Variants in IQGAP2 observed in about 807,000 individuals in gnomAD.
IQGAP2 encodes ras GTPase-activating-like protein IQGAP2.
In IQGAP2, 173 loss-of-function variants were observed where a neutral mutation model predicts 201.3. That is an observed-to-expected ratio of 0.86 (90% CI 0.76 to 0.98). IQGAP2 has a LOEUF of 0.98. IQGAP2 is among the 50% of genes least tolerant of loss of function. The pLI is 0.00. For missense variants in IQGAP2, 1,687 were observed against 1,864.8 expected (o/e 0.90, Z 1.76); for synonymous variants, 675 against 673.9 (o/e 1.00, Z -0.03).
intron 2 of IQGAP2, among the ~76,000 whole-genome samples, chr5:76,517,034 G>A (rs763413533): frequency 2.0e-5 from 3 of 152,002 alleles, no homozygotes; most frequent in Non-Finnish European, 2.9e-5. Context: ...ATTAACAGTC[G>A]GTAAGAGAGC....
intron 1 of IQGAP2, among the ~76,000 whole-genome samples, chr5:76,432,128 C>CTTTTTTTTTTTTTTTTTTTTTTTTTTTTT (rs70982606): frequency 1.0e-5 from 1 of 95,322 alleles, no homozygotes; most frequent in Non-Finnish European, 2.0e-5. Context: ...TTTCTTTCTT[C>CTTTTTTTTTTTTTTTTTTTTTTTTTTTTT]TTTTTTTTTT....
chr5:76,670,005 TAG>T (rs1744158698), intron 23 of IQGAP2, among the ~76,000 whole-genome samples: 1 of 152,090 alleles, frequency 6.6e-6, no homozygotes, highest in Non-Finnish European at 1.5e-5. Flanking sequence ...GTATTTTTAG[TAG>T]AGAAGAGGTT....
At chr5:76,681,937 C>A (rs193137741) in intron 28 of IQGAP2, among the ~76,000 whole-genome samples, 34 of 152,244 alleles carry the variant, frequency 2.2e-4, no homozygotes, top group Non-Finnish European at 4.0e-4. Flanking sequence ...CATGGAGGAA[C>A]CTTGAAGACA....
rs564661114 is a variant in IQGAP2 at position 76,685,090 on chromosome 5, A to T, written c.3905+1173A>T. On this transcript the variant is annotated intron_variant, in intron 30 of 35. Transcript: ENST00000274364. ...ACAGGGGTGGAGAGCACAGTTCGACAGTAGGACCGCAACCAAGTTGCAGGA... is the reference window on the plus strand; with the variant it reads ...ACAGGGGTGGAGAGCACAGTTCGACTGTAGGACCGCAACCAAGTTGCAGGA... 2.0e-5 allele frequency among the ~76,000 whole-genome samples: 3 copies of T among 152,330 alleles called. No individual in the cohort carries two copies. The East Asian group carries it at 5.8e-4, about 29-fold the overall frequency.
chr5:76,450,259 T>G (rs527628708), intron 1 of IQGAP2, among the ~76,000 whole-genome samples: 1 of 152,328 alleles, frequency 6.6e-6, no homozygotes, highest in South Asian at 2.1e-4. Context: ...GATGTGAACC[T>G]CACCCACTCT....
In IQGAP2 at chr5:76,654,715, G is replaced by A. The variant is rs113700636; in HGVS notation, c.2251-219G>A. On this transcript the variant is annotated intron_variant, in intron 19 of 35. Transcript: ENST00000274364. ...TTCCCTTTTTAGATCTCTTTGTCTA[G>A]GCAGTTCCCCTACAGTCTTGTTTGT... 9.5e-3 allele frequency among the ~76,000 whole-genome samples: 1,453 copies of A among 152,268 alleles called. 22 individuals carry two copies. Among genetic ancestry groups the A allele is most frequent in the African/African-American group, 0.033 (1,355 of 41,544 alleles).
At chr5:76,590,703 G>A (rs561200355) in intron 8 of IQGAP2, 117 bp downstream of exon 8, 86 of 739,184 alleles carry the variant, frequency 1.2e-4, no homozygotes, top group East Asian at 4.9e-4. Context: ...CTCTATAGCC[G>A]TAGACAATTG....
chr5:76,480,905 T>A (rs893129900), intron 2 of IQGAP2, among the ~76,000 whole-genome samples: 1 of 152,168 alleles, frequency 6.6e-6, no homozygotes, highest in African/African-American at 2.4e-5. Flanking sequence ...ATGTCCAAGA[T>A]CAAAGTACTG....
At chr5:76,558,799 A>G (rs1432181688) in intron 2 of IQGAP2, among the ~76,000 whole-genome samples, 1 of 152,252 alleles carries the variant, frequency 6.6e-6, no homozygotes, top group Non-Finnish European at 1.5e-5. Flanking sequence ...AGGTGAGGGT[A>G]CTTGCTTGCA....
At chr5:76,541,836 A>G (rs1742795630) in intron 2 of IQGAP2, among the ~76,000 whole-genome samples, 2 of 152,248 alleles carry the variant, frequency 1.3e-5, no homozygotes, top group South Asian at 4.1e-4. Flanking sequence ...AATGCTGGAA[A>G]GAGCAGCTTT....
chr5:76,540,303 A>G (rs1742676913), intron 2 of IQGAP2, among the ~76,000 whole-genome samples: 1 of 152,224 alleles, frequency 6.6e-6, no homozygotes, highest in South Asian at 2.1e-4. Context: ...ACAAGAAAGA[A>G]AAAGGAAACC....
Position 76,562,486 on chromosome 5 carries a change from C to G in IQGAP2, c.237C>G (p.Ala79=). Reference sequence around the variant, plus strand: ...ATGGAGTTTACCTTGCAAAGTTAGCCAAGTTCTTTGCCCCGAAAATGGTAT... The same window carrying G: ...ATGGAGTTTACCTTGCAAAGTTAGCGAAGTTCTTTGCCCCGAAAATGGTAT... ...LRNGVYLAKL[A]KFFAPKMVSE... The change falls in exon 3 of 36, where the codon GCC becomes GCG. Residue 79 remains alanine (A), a synonymous_variant. Coordinates refer to ENST00000274364, the MANE Select transcript of IQGAP2 (RefSeq NM_006633.5). 1 of 1,613,704 alleles carries G rather than the reference C, an allele frequency of 6.2e-7. No homozygotes were observed. The highest frequency in any genetic ancestry group is 1.1e-5 in the South Asian group (1 of 91,060).
chr5:76,568,390 T>C (rs1274328142), intron 3 of IQGAP2, among the ~76,000 whole-genome samples: 6 of 152,196 alleles, frequency 3.9e-5, no homozygotes, highest in Non-Finnish European at 7.3e-5. Context: ...TTAGGTGCAC[T>C]TTGCAACTAA....
intron 1 of IQGAP2, among the ~76,000 whole-genome samples, chr5:76,447,605 C>T (rs972173706): frequency 9.9e-5 from 15 of 152,168 alleles, no homozygotes; most frequent in African/African-American, 3.4e-4. Flanking sequence ...GCTGGGTTCC[C>T]TAAGCTGCCT....
chr5:76,618,201 G>A (rs1749199200), intron 13 of IQGAP2: 2 of 1,614,152 alleles, frequency 1.2e-6, no homozygotes, highest in Non-Finnish European at 1.7e-6. Flanking sequence ...GATGACTGTG[G>A]TGGCCCGGCA....
At chr5:76,663,863 G>A (rs1234333673) in intron 21 of IQGAP2, among the ~76,000 whole-genome samples, 2 of 152,198 alleles carry the variant, frequency 1.3e-5, no homozygotes, top group South Asian at 2.1e-4. Context: ...AAGTTTCCTG[G>A]CTTCTCTTAA....
chr5:76,438,573 G>C (rs1261202071), intron 1 of IQGAP2, among the ~76,000 whole-genome samples: 1 of 152,064 alleles, frequency 6.6e-6, no homozygotes, highest in Non-Finnish European at 1.5e-5. Flanking sequence ...CTCCCGAGCA[G>C]CTGGGATTAT....
Position 76,403,635 on chromosome 5 carries a change from C to A in IQGAP2, c.46+44C>A. 1.4e-6 allele frequency: 2 copies of A among 1,438,690 alleles called. No individual in the cohort carries two copies. The highest frequency in any genetic ancestry group is 1.8e-6 in the Non-Finnish European group (2 of 1,088,348). The allele number at this position is 1,438,690 out of a possible 1,614,324, so 89.1% of individuals were successfully genotyped here. ...CGGGGTTCCTGCTGGCCTTGGGGAG[C>A]TCCCTCCCCGAGGACGGCGTTGGAG... On this transcript the variant is annotated intron_variant, in intron 1 of 35. Coordinates refer to ENST00000274364, the MANE Select transcript of IQGAP2 (RefSeq NM_006633.5). The surrounding 1 kb of genome is among the most constrained non-coding windows in gnomAD (Gnocchi z 4.8).
intron 17 of IQGAP2, among the ~76,000 whole-genome samples, chr5:76,649,985 G>A (rs985503659): frequency 3.3e-5 from 5 of 152,228 alleles, no homozygotes; most frequent in Non-Finnish European, 5.9e-5. Flanking sequence ...AGCCTTAGCT[G>A]TACCTGAGCC....
Sources: gnomAD v4.1 joint callset for allele counts (sites outside exome capture counted in the v4.1 genomes callset) on GRCh38, gnomAD v4.1.1 for gene constraint, Gnocchi (gnomAD v3.1) non-coding constraint, MANE v1.5 for transcripts, NCBI Gene and HGNC (gene_info 2026-07-23, HGNC 2026-07-21) for gene names.